ERBB4: variants seen among roughly 807,000 people sequenced by gnomAD.
ERBB4 encodes erb-b2 receptor tyrosine kinase 4.
Under a neutral mutation model 158.0 loss-of-function variants are expected in ERBB4, and 42 were observed. That is an observed-to-expected ratio of 0.27 (90% CI 0.21 to 0.34). The LOEUF (loss-of-function observed/expected upper bound fraction) is 0.34. Ranked by LOEUF, ERBB4 falls within the 10% of genes least tolerant of loss-of-function variation. ERBB4 has a pLI of 1.00. For missense variants in ERBB4, 1,333 were observed against 1,624.1 expected (o/e 0.82, Z 3.08); for synonymous variants, 583 against 558.7 (o/e 1.04, Z -0.61).
chr2:211,717,524 C>G (rs1231154433), intron 7 of ERBB4, among the ~76,000 whole-genome samples: 2 of 152,060 alleles, frequency 1.3e-5, no homozygotes, highest in Admixed American at 6.5e-5. Context: ...TTTTCAAAGC[C>G]TTTTTAAATA....
chr2:212,389,907 A>G (rs893866027), intron 1 of ERBB4, among the ~76,000 whole-genome samples: 4 of 151,758 alleles, frequency 2.6e-5, no homozygotes, highest in Admixed American at 1.3e-4. Context: ...TGCAGTTATA[A>G]CTCAAACCCA....
rs756138778 is a variant in ERBB4, at chr2:211,957,149, G to A, written c.235-9533C>T. Among the ~76,000 whole-genome samples, 100 of 152,120 alleles carry A rather than the reference G, an allele frequency of 6.6e-4. 2 individuals are homozygous for A. Among genetic ancestry groups the A allele is most frequent in the Non-Finnish European group, 1.1e-3 (77 of 67,980 alleles). On this transcript the variant is annotated intron_variant, in intron 2 of 27. Transcript: ENST00000342788. ...CCAGCCAAACCCCCATAATGTATAC[G>A]CTGAAGTCCTAACCCATACTACCTC...
intron 3 of ERBB4, among the ~76,000 whole-genome samples, chr2:211,875,926 C>T (rs201612062): frequency 1.3e-5 from 2 of 152,148 alleles, no homozygotes; most frequent in African/African-American, 4.8e-5. Context: ...CCATATAGCC[C>T]AGACGTGTAG....
At chr2:212,459,204 T>C (rs1017642433) in intron 1 of ERBB4, among the ~76,000 whole-genome samples, 1 of 152,254 alleles carries the variant, frequency 6.6e-6, no homozygotes, top group Admixed American at 6.5e-5. Flanking sequence ...AGTTGTTTTT[T>C]TTTATTTTAT....
chr2:211,419,838 T>C (rs1219276133), intron 25 of ERBB4, among the ~76,000 whole-genome samples: 1 of 151,966 alleles, frequency 6.6e-6, no homozygotes, highest in East Asian at 1.9e-4. Context: ...TCATATAGAG[T>C]AGGTTTAACA....
At chr2:211,451,697 A>T (rs748907523) in intron 20 of ERBB4, among the ~76,000 whole-genome samples, 3 of 152,210 alleles carry the variant, frequency 2.0e-5, no homozygotes, top group Non-Finnish European at 4.4e-5. Flanking sequence ...GTCAAGGTAA[A>T]TGCAACCTCT....
At chr2:212,336,685 T>C (rs546689676) in intron 1 of ERBB4, among the ~76,000 whole-genome samples, 16 of 152,218 alleles carry the variant, frequency 1.1e-4, no homozygotes, top group African/African-American at 3.6e-4. Context: ...CTAAAAGATG[T>C]GCTTGTAAGT....
chr2:211,681,630 T>G (rs2072337102), intron 12 of ERBB4, among the ~76,000 whole-genome samples: 1 of 152,204 alleles, frequency 6.6e-6, no homozygotes, highest in African/African-American at 2.4e-5. Flanking sequence ...ATGTTGAATA[T>G]CTTTTAATGT....
At chr2:211,582,113 T>C (rs1267884835) in intron 19 of ERBB4, among the ~76,000 whole-genome samples, 3 of 152,230 alleles carry the variant, frequency 2.0e-5, no homozygotes, top group Non-Finnish European at 4.4e-5. Flanking sequence ...TCTTTGACCA[T>C]TCTGCTAAAC....
intron 7 of ERBB4, among the ~76,000 whole-genome samples, chr2:211,721,630 T>TATAC (rs2074098084): frequency 6.8e-6 from 1 of 147,318 alleles, no homozygotes; most frequent in African/African-American, 2.5e-5. Context: ...CATATATATA[T>TATAC]ATATATATAT....
rs552031785 is a variant in ERBB4 at position 212,406,547 on chromosome 2, T to C, written c.82+131902A>G. 2.0e-5 allele frequency among the ~76,000 whole-genome samples: 3 copies of C among 152,310 alleles called. No homozygotes were observed. In the East Asian group the frequency reaches 5.8e-4, roughly 29 times the overall value. ...AAGATGATTACACATATTATAGTTA[T>C]CTAGTTTTCATTATAAGGACTAAAT... On this transcript the variant is annotated intron_variant, in intron 1 of 27. Transcript: ENST00000342788.
chr2:211,903,932 C>A (rs2079305935), intron 3 of ERBB4, among the ~76,000 whole-genome samples: 1 of 151,972 alleles, frequency 6.6e-6, no homozygotes, highest in African/African-American at 2.4e-5. Context: ...TTATATCAAA[C>A]AGATTTTAAA....
chr2:212,208,027 T>C (rs1014271176), intron 1 of ERBB4, among the ~76,000 whole-genome samples: 1 of 152,180 alleles, frequency 6.6e-6, no homozygotes, highest in African/African-American at 2.4e-5. Context: ...TGTGTGTTAT[T>C]GTAATACATA....
intron 20 of ERBB4, among the ~76,000 whole-genome samples, chr2:211,534,620 G>A (rs186844160): frequency 2.7e-4 from 41 of 152,196 alleles, no homozygotes; most frequent in African/African-American, 7.9e-4. Context: ...TGTAACAGCA[G>A]TAATATTAAT....
At chr2:212,181,836 T>C (rs2081875910) in intron 1 of ERBB4, among the ~76,000 whole-genome samples, 1 of 151,784 alleles carries the variant, frequency 6.6e-6, no homozygotes, top group African/African-American at 2.4e-5. Context: ...CTAATCAGTT[T>C]GTTCTTCACA....
At chr2:211,562,936 T>C (rs1196679607) in intron 19 of ERBB4, among the ~76,000 whole-genome samples, 1 of 151,930 alleles carries the variant, frequency 6.6e-6, no homozygotes, top group Non-Finnish European at 1.5e-5. Flanking sequence ...TACGCCCGGC[T>C]AATGTTTTGT....
At chr2:211,858,622 C>G (rs2077933053) in intron 3 of ERBB4, among the ~76,000 whole-genome samples, 1 of 151,790 alleles carries the variant, frequency 6.6e-6, no homozygotes, top group Admixed American at 6.6e-5. Flanking sequence ...GCAATAAAAT[C>G]CTTGGCTAGC....
chr2:211,872,969 TAAG>T lies in ERBB4; in HGVS notation c.421+74458_421+74460del, dbSNP rs1317596581. Among the ~76,000 whole-genome samples the T allele has an allele frequency of 1.2e-4, 18 of 151,074 alleles. No individual in the cohort carries two copies. In the East Asian group the frequency reaches 2.1e-3, roughly 18 times the overall value. On this transcript the variant is annotated intron_variant, in intron 3 of 27. Transcript: ENST00000342788. ...TATATGAAGCATACAATTTTTAAAT[TAAG>T]AACTCAAATCCATCACATTGTTTCT...
intron 3 of ERBB4, among the ~76,000 whole-genome samples, chr2:211,945,500 A>G (rs2080663142): frequency 6.7e-6 from 1 of 150,300 alleles, no homozygotes; most frequent in African/African-American, 2.4e-5. Context: ...GTATTTTTCT[A>G]AACAATCAAC....
Sources: gnomAD v4.1 joint callset for allele counts (sites outside exome capture counted in the v4.1 genomes callset) on GRCh38, gnomAD v4.1.1 for gene constraint, MANE v1.5 for transcripts, NCBI Gene and HGNC (gene_info 2026-07-23, HGNC 2026-07-21) for gene names.